SOX5: variants seen among roughly 807,000 people sequenced by gnomAD.
SOX5 encodes SRY-box transcription factor 5, also known as transcription factor SOX-5.
Under a neutral mutation model 92.0 loss-of-function variants are expected in SOX5, and 9 were observed. That is an observed-to-expected ratio of 0.10 (90% CI 0.06 to 0.17). The LOEUF (loss-of-function observed/expected upper bound fraction) is 0.17. SOX5 is among the 10% of genes least tolerant of loss of function. The pLI is 1.00. For missense variants in SOX5, 642 were observed against 944.5 expected, an observed-to-expected ratio of 0.68 and a Z score of 4.20; for synonymous variants, 344 against 336.3, an observed-to-expected ratio of 1.02 and a Z score of -0.25.
At chr12:23,828,328 G>C (rs1416508640) in intron 3 of SOX5, among the ~76,000 whole-genome samples, 1 of 152,106 alleles carries the variant, frequency 6.6e-6, no homozygotes, top group African/African-American at 2.4e-5. Flanking sequence ...GTGTGTGTAT[G>C]TGTGTGCACA....
intron 1 of SOX5, among the ~76,000 whole-genome samples, chr12:24,478,327 G>C (rs1046801537): frequency 1.3e-5 from 2 of 152,102 alleles, no homozygotes; most frequent in African/African-American, 2.4e-5. Flanking sequence ...ACATCTTTCT[G>C]TTTGTACTTT....
chr12:23,645,157 T>C (rs937721734), intron 7 of SOX5, among the ~76,000 whole-genome samples: 1 of 152,158 alleles, frequency 6.6e-6, no homozygotes, highest in Non-Finnish European at 1.5e-5. Context: ...GTAGGTAGTA[T>C]AGGAGGTAAG....
chr12:23,980,088 T>G (rs1415357908), intron 4 of SOX5, among the ~76,000 whole-genome samples: 1 of 152,118 alleles, frequency 6.6e-6, no homozygotes, highest in South Asian at 2.1e-4. Context: ...GTGCGGAGAT[T>G]ATGGGCATGA....
intron 4 of SOX5, among the ~76,000 whole-genome samples, chr12:24,036,479 C>T (rs947446498): frequency 2.6e-5 from 4 of 152,024 alleles, no homozygotes; most frequent in Non-Finnish European, 4.4e-5. Context: ...TCTTGAGAAC[C>T]GAATTGGTCT....
intron 1 of SOX5, among the ~76,000 whole-genome samples, chr12:24,451,151 C>T (rs1432768511): frequency 6.6e-6 from 1 of 152,160 alleles, no homozygotes; most frequent in African/African-American, 2.4e-5. Flanking sequence ...CTGAATAGTA[C>T]TCCACTGTGT....
intron 1 of SOX5, among the ~76,000 whole-genome samples, chr12:24,512,413 A>T (rs769315460): frequency 2.0e-5 from 3 of 152,252 alleles, no homozygotes; most frequent in Non-Finnish European, 4.4e-5. Flanking sequence ...CAGAAGTTTA[A>T]CAACTGCCTC....
At chr12:24,399,932 G>T (rs575924963) in intron 1 of SOX5, among the ~76,000 whole-genome samples, 112 of 152,228 alleles carry the variant, frequency 7.4e-4, no homozygotes, top group African/African-American at 2.7e-3. Context: ...TGTACTGGTA[G>T]CGTAAGGAAA....
At chr12:23,886,671 T>C (rs1341363737) in intron 2 of SOX5, among the ~76,000 whole-genome samples, 1 of 152,192 alleles carries the variant, frequency 6.6e-6, no homozygotes, top group Non-Finnish European at 1.5e-5. Flanking sequence ...TCTAGTTTTA[T>C]AAATGATCTC....
At chr12:23,545,988 T>C (rs1943065940) in intron 12 of SOX5, among the ~76,000 whole-genome samples, 1 of 152,136 alleles carries the variant, frequency 6.6e-6, no homozygotes, top group Admixed American at 6.5e-5. Context: ...TTTTGAGCAT[T>C]TGCTTTAGAA....
chr12:23,677,976 T>G (rs561702374), intron 6 of SOX5, among the ~76,000 whole-genome samples: 9 of 152,176 alleles, frequency 5.9e-5, no homozygotes, highest in Non-Finnish European at 1.2e-4. Context: ...GGATGCTGTC[T>G]CACAGTATCT....
chr12:23,626,656 C>A (rs1244084025), intron 8 of SOX5, among the ~76,000 whole-genome samples: 3 of 142,276 alleles, frequency 2.1e-5, no homozygotes, highest in Non-Finnish European at 4.5e-5. Context: ...GGGCTCTTGG[C>A]TGCTTTCATT....
intron 4 of SOX5, among the ~76,000 whole-genome samples, chr12:23,989,218 CAAAAAAAA>C (rs554892984): frequency 2.9e-5 from 3 of 104,472 alleles, no homozygotes; most frequent in African/African-American, 1.2e-4. Context: ...GCCAAAAATA[CAAAAAAAA>C]AAAAAAAAAA....
At chr12:23,636,898 G>A (rs2079328560) in intron 8 of SOX5, among the ~76,000 whole-genome samples, 1 of 152,150 alleles carries the variant, frequency 6.6e-6, no homozygotes, top group Non-Finnish European at 1.5e-5. Context: ...TTTGGACTCT[G>A]TGACCCCGCT....
At chr12:24,098,756 C>T (rs1420419875) in intron 4 of SOX5, among the ~76,000 whole-genome samples, 2 of 152,122 alleles carry the variant, frequency 1.3e-5, no homozygotes, top group Non-Finnish European at 1.5e-5. Context: ...AAAAGGCAGA[C>T]TTGTGCAGCT....
intron 1 of SOX5, among the ~76,000 whole-genome samples, chr12:24,496,179 A>G (rs2138052024): frequency 6.6e-6 from 1 of 152,270 alleles, no homozygotes; most frequent in African/African-American, 2.4e-5. Context: ...ACTTCTGCTC[A>G]TTTTCAAGCA....
rs573346214 is a variant in SOX5, at chr12:24,327,167, C to A, written c.-174+41396G>T. Among the ~76,000 whole-genome samples, 3 of 152,184 alleles carry A rather than the reference C, an allele frequency of 2.0e-5. No homozygotes were observed. The South Asian group carries it at 6.2e-4, about 32-fold the overall frequency. On this transcript the variant is annotated intron_variant, in intron 2 of 4. Coordinates refer to the SOX5 transcript ENST00000446891. ...AAGCTAATCCTTTAATATTATATGA[C>A]TGCTCAGAACTCATTTTCTGTTACT...
At chr12:24,379,164 A>T (rs1427895975) in intron 1 of SOX5, among the ~76,000 whole-genome samples, 1 of 152,234 alleles carries the variant, frequency 6.6e-6, no homozygotes, top group African/African-American at 2.4e-5. Flanking sequence ...GAAAGTATTC[A>T]AAACAGTGCA....
At chr12:24,131,194 C>G (rs756459993) in intron 4 of SOX5, among the ~76,000 whole-genome samples, 2 of 152,150 alleles carry the variant, frequency 1.3e-5, no homozygotes, top group Non-Finnish European at 2.9e-5. Flanking sequence ...ATGTTCTAAT[C>G]TTTGTGTTAA....
intron 3 of SOX5, among the ~76,000 whole-genome samples, chr12:24,234,112 G>T (rs544214843): frequency 6.3e-4 from 96 of 152,246 alleles, no homozygotes; most frequent in Middle Eastern, 6.8e-3. Flanking sequence ...TCTATAATGT[G>T]TGCTTGGGAA....
Sources: allele counts gnomAD v4.1 joint callset (sites outside exome capture counted in the v4.1 genomes callset), GRCh38; gene constraint gnomAD v4.1.1; transcripts MANE v1.5; gene names NCBI Gene and HGNC (gene_info 2026-07-23, HGNC 2026-07-21).